Variants in INPP4B observed in about 807,000 individuals in gnomAD.
INPP4B encodes inositol polyphosphate 4-phosphatase type II.
A neutral mutation model predicts 122.5 loss-of-function variants in INPP4B; 55 were observed. The ratio of observed to expected loss-of-function variants is 0.45; its 90% CI spans 0.36 to 0.56. The LOEUF (loss-of-function observed/expected upper bound fraction) is 0.56, where lower values mean the gene tolerates loss of function less well. INPP4B is among the 20% of genes least tolerant of loss of function. INPP4B has a pLI of 0.00. For missense variants in INPP4B, 1,000 were observed against 1,097.7 expected, an observed-to-expected ratio of 0.91 and a Z score of 1.26; for synonymous variants, 403 against 388.7, an observed-to-expected ratio of 1.04 and a Z score of -0.43.
chr4:142,740,356 T>C (rs1767723863), intron 1 of INPP4B, among the ~76,000 whole-genome samples: 1 of 152,106 alleles, frequency 6.6e-6, no homozygotes, highest in Admixed American at 6.6e-5. Context: ...TTTATGCTTC[T>C]GGCAATATAG....
chr4:142,075,521 C>A (rs1446778843), intron 25 of INPP4B, among the ~76,000 whole-genome samples: 7 of 151,984 alleles, frequency 4.6e-5, no homozygotes, highest in Non-Finnish European at 1.0e-4. Flanking sequence ...ACAATTTAAG[C>A]CTTTTAGAAA....
At chr4:142,315,082 T>A (rs1300306082) in intron 7 of INPP4B, among the ~76,000 whole-genome samples, 1 of 152,176 alleles carries the variant, frequency 6.6e-6, no homozygotes, top group Non-Finnish European at 1.5e-5. Flanking sequence ...AAAGAGCTGG[T>A]ATAGAGAAAG....
At chr4:142,148,130 T>TA (rs1313627892) in intron 17 of INPP4B, among the ~76,000 whole-genome samples, 1 of 152,126 alleles carries the variant, frequency 6.6e-6, no homozygotes, top group Non-Finnish European at 1.5e-5. Context: ...TCAACTCTGC[T>TA]ACTGAGGAAA....
intron 9 of INPP4B, 105 bp downstream of exon 9, chr4:142,305,352 CT>C (rs1224476950): frequency 1.2e-6 from 1 of 805,442 alleles, no homozygotes; most frequent in Non-Finnish European, 2.0e-6. Flanking sequence ...TATTTGAGAA[CT>C]GACATCTAAC....
chr4:142,483,631 T>C (rs778970999), intron 2 of INPP4B, among the ~76,000 whole-genome samples: 1 of 152,012 alleles, frequency 6.6e-6, no homozygotes, highest in Non-Finnish European at 1.5e-5. Context: ...AGAAATGATA[T>C]GATTAGAGGA....
At chr4:142,259,998 T>C (rs1738975028) in intron 11 of INPP4B, among the ~76,000 whole-genome samples, 3 of 152,178 alleles carry the variant, frequency 2.0e-5, no homozygotes, top group South Asian at 2.1e-4. Flanking sequence ...TGTTCATTTG[T>C]TTTTTGAGAT....
intron 7 of INPP4B, chr4:142,347,354 G>C (rs539923929): frequency 8.2e-6 from 2 of 244,572 alleles, no homozygotes; most frequent in African/African-American, 4.7e-5. Flanking sequence ...AGATGAAAGT[G>C]CTACATACAT....
intron 1 of INPP4B, among the ~76,000 whole-genome samples, chr4:142,777,566 C>T (rs776888779): frequency 1.3e-5 from 2 of 152,166 alleles, no homozygotes; most frequent in Non-Finnish European, 2.9e-5. Flanking sequence ...AGGTAGGCCA[C>T]GCCCAACCTC....
chr4:142,069,310 A>G (rs1204044172), intron 25 of INPP4B, among the ~76,000 whole-genome samples: 1 of 152,220 alleles, frequency 6.6e-6, no homozygotes, highest in Non-Finnish European at 1.5e-5. Flanking sequence ...ACATACCAGA[A>G]TCTCTGGGAC....
intron 16 of INPP4B, among the ~76,000 whole-genome samples, chr4:142,165,344 C>T (rs1160190390): frequency 2.6e-5 from 4 of 151,674 alleles, no homozygotes; most frequent in African/African-American, 9.7e-5. Context: ...TTTCAAAACT[C>T]GATCCTTACA....
intron 2 of INPP4B, among the ~76,000 whole-genome samples, chr4:142,680,982 C>A (rs1426529793): frequency 1.3e-5 from 2 of 151,846 alleles, no homozygotes; most frequent in Non-Finnish European, 2.9e-5. Flanking sequence ...AATATTATTT[C>A]CCCTTCAATA....
intron 1 of INPP4B, among the ~76,000 whole-genome samples, chr4:142,730,506 T>C (rs1765928971): frequency 6.6e-6 from 1 of 152,214 alleles, no homozygotes; most frequent in African/African-American, 2.4e-5. Flanking sequence ...TCAGGTCTAT[T>C]CCTTCTACTT....
At chr4:142,453,292 C>T (rs182787296) in intron 3 of INPP4B, among the ~76,000 whole-genome samples, 1 of 152,212 alleles carries the variant, frequency 6.6e-6, no homozygotes, top group East Asian at 1.9e-4. Flanking sequence ...TAAAGCAAAA[C>T]TAAAATTGAA....
In INPP4B at chr4:142,024,410, A is replaced by G. The variant is rs1019591619; in HGVS notation, c.*4372T>C. 1 of 152,202 alleles carries G rather than the reference A, an allele frequency of 6.6e-6. No individual in the cohort carries two copies. The highest frequency in any genetic ancestry group is 1.5e-5 in the Non-Finnish European group (1 of 68,024). 9.4% of individuals were successfully genotyped at this position (152,202 alleles called of 1,614,324 possible). ...ACCAAATCATTCTTTTTGGTCGTGC[A>G]TAATTTTTAAGGCCTCCAGCTACTA... On this transcript the variant is annotated 3_prime_UTR_variant, in exon 26 of 26. Transcript: ENST00000262992.
chr4:142,129,600 T>A (rs184864470), intron 18 of INPP4B, among the ~76,000 whole-genome samples: 200 of 152,268 alleles, frequency 1.3e-3, no homozygotes, highest in Non-Finnish European at 2.4e-3. Flanking sequence ...GCACAGGGCC[T>A]AGAAACTAGG....
intron 12 of INPP4B, among the ~76,000 whole-genome samples, chr4:142,233,807 ATAATT>A (rs1205953628): frequency 2.0e-5 from 3 of 151,840 alleles, no homozygotes; most frequent in Admixed American, 6.6e-5. Context: ...ATATCATAAT[ATAATT>A]TAATTTTTAT....
At chr4:142,640,125 C>T (rs185398964) in intron 2 of INPP4B, among the ~76,000 whole-genome samples, 1 of 152,026 alleles carries the variant, frequency 6.6e-6, no homozygotes, top group Admixed American at 6.6e-5. Context: ...GCAAACTAGA[C>T]CGAATGTCAT....
chr4:142,110,232 T>C (rs546019540), intron 22 of INPP4B, among the ~76,000 whole-genome samples: 8 of 152,206 alleles, frequency 5.3e-5, no homozygotes, highest in Admixed American at 5.2e-4. Flanking sequence ...GAAGAGGTTA[T>C]GTGAGCATAT....
intron 7 of INPP4B, among the ~76,000 whole-genome samples, chr4:142,387,454 GAAC>G (rs1796305761): frequency 6.9e-6 from 1 of 144,280 alleles, no homozygotes; most frequent in Non-Finnish European, 1.5e-5. Flanking sequence ...CATTCCAAAT[GAAC>G]AACAATGCAC....
Sources: allele counts gnomAD v4.1 joint callset (sites outside exome capture counted in the v4.1 genomes callset), GRCh38; gene constraint gnomAD v4.1.1; transcripts MANE v1.5; gene names NCBI Gene and HGNC (gene_info 2026-07-23, HGNC 2026-07-21).